KMT5B: variants seen among roughly 807,000 people sequenced by gnomAD.
KMT5B encodes the protein lysine methyltransferase 5B.
A neutral mutation model predicts 83.2 loss-of-function variants in KMT5B; 10 were observed. The ratio of observed to expected loss-of-function variants is 0.12; its 90% CI spans 0.07 to 0.20. The LOEUF (loss-of-function observed/expected upper bound fraction) is 0.20. KMT5B is among the 10% of genes least tolerant of loss of function. The pLI is 1.00. For synonymous variants in KMT5B, 349 were observed against 388.8 expected (o/e 0.90, Z 1.20); for missense variants, 753 against 1,067.2 (o/e 0.71, Z 4.10).
rs552597919 is a variant in KMT5B at position 68,206,916 on chromosome 11, T to G, written c.-77+6222A>C. Among the ~76,000 whole-genome samples, 15 of 152,242 alleles carry G rather than the reference T, an allele frequency of 9.9e-5. No homozygotes were observed. The South Asian group carries it at 3.1e-3, about 32-fold the overall frequency. ...CCCTACAGTTCCCAAAGAGAAGGAA[T>G]GTAACTTCTGGCTGCAACACGCATG... On this transcript the variant is annotated intron_variant, in intron 1 of 10. Coordinates refer to ENST00000304363, the MANE Select transcript of KMT5B (RefSeq NM_017635.5).
Position 68,199,801 on chromosome 11 carries a change from G to T in KMT5B, c.-76-9649C>A, listed in dbSNP as rs1013685319. On this transcript the variant is annotated intron_variant, in intron 1 of 10. Transcript: ENST00000304363. Reference sequence around the variant, plus strand: ...CAGCAGAGGTGGCAAGAAGTGGTTGGCTTCGAGATCTTTTCTGAAGGTTCC... The same window carrying T: ...CAGCAGAGGTGGCAAGAAGTGGTTGTCTTCGAGATCTTTTCTGAAGGTTCC... Among the ~76,000 whole-genome samples, 12 of 152,280 alleles carry T rather than the reference G, an allele frequency of 7.9e-5. No individual in the cohort carries two copies. The South Asian group carries it at 2.5e-3, about 32-fold the overall frequency.
chr11:68,208,410 G>A (rs999484375), intron 1 of KMT5B, among the ~76,000 whole-genome samples: 2 of 151,860 alleles, frequency 1.3e-5, no homozygotes, highest in African/African-American at 4.8e-5. Context: ...CCAAGATCGC[G>A]CCACTGCACT....
At chr11:68,174,038 G>C (rs1590964088) in intron 5 of KMT5B, 125 bp from the exon 6 acceptor site, 7 of 718,904 alleles carry the variant, frequency 9.7e-6, no homozygotes, top group Middle Eastern at 2.6e-4. Flanking sequence ...GAGCAACATA[G>C]CGAGACCCTG....
chr11:68,185,662 A>G (rs11228152), intron 3 of KMT5B, 119 bp downstream of exon 3: 101,896 of 968,128 alleles, frequency 0.11, 5,936 homozygotes, highest in East Asian at 0.22. Flanking sequence ...AAACCCTTCC[A>G]CTGCAAAGAA....
At chr11:68,180,342 G>A in intron 3 of KMT5B, 142 bp from the exon 4 acceptor site, 2 of 1,103,652 alleles carry the variant, frequency 1.8e-6, no homozygotes, top group East Asian at 5.3e-5. Flanking sequence ...AGATACCACA[G>A]GTGGGCGCGG....
chr11:68,171,276 T>C lies in KMT5B; in HGVS notation c.821-25A>G. 6.2e-7 allele frequency: 1 copy of C among 1,608,472 alleles called. No homozygotes were observed. The highest frequency in any genetic ancestry group is 8.5e-7 in the Non-Finnish European group (1 of 1,177,592). On this transcript the variant is annotated intron_variant, in intron 7 of 10. Transcript: ENST00000304363. This position sits in a 1 kb window ranked among gnomAD's most constrained non-coding sequence, Gnocchi z 5.1. ...TCTGAAAAATGTCCAAAAGATAAAG[T>C]CAATTAACTGTTGATAAGATCTGAA...
intron 1 of KMT5B, among the ~76,000 whole-genome samples, chr11:68,203,614 G>A (rs1001741806): frequency 2.6e-5 from 4 of 152,204 alleles, no homozygotes; most frequent in Admixed American, 6.5e-5. Flanking sequence ...AACACTGCTT[G>A]ACAGGGCAAT....
Position 68,158,709 on chromosome 11 carries a change from G to A in KMT5B, c.1637C>T (p.Thr546Ile). The change falls in exon 11 of 11, where the codon ACA becomes ATA. Residue 546 changes from threonine to isoleucine, a missense_variant. This residue lies in a region of KMT5B where 397 missense variants were observed against 395.9 expected (regional missense o/e 1.00). Transcript: ENST00000304363. ...GATGTCAGAGGCCTCCTTCAGATTT[G>A]TTCTTGTCCTCACTGACCGCCGAGT... ...YITRRSVRTR[T>I]NLKEASDIKL... 1 of 1,614,068 alleles carries A rather than the reference G, an allele frequency of 6.2e-7. No homozygotes were observed. The highest frequency in any genetic ancestry group is 8.5e-7 in the Non-Finnish European group (1 of 1,180,020).
At chr11:68,169,095 A>G (rs1161413966) in intron 9 of KMT5B, among the ~76,000 whole-genome samples, 1 of 152,230 alleles carries the variant, frequency 6.6e-6, no homozygotes, top group Non-Finnish European at 1.5e-5. Flanking sequence ...CATGGCCACT[A>G]TTCTCCATCA....
rs1856502225 is a variant in KMT5B at position 68,177,558 on chromosome 11, C to G, written c.378-2375G>C. Among the ~76,000 whole-genome samples the G allele has an allele frequency of 3.3e-5, 5 of 152,042 alleles. No individual in the cohort carries two copies. The South Asian group carries it at 1.0e-3, about 32-fold the overall frequency. On this transcript the variant is annotated intron_variant, in intron 4 of 10. Coordinates refer to ENST00000304363, the MANE Select transcript of KMT5B (RefSeq NM_017635.5). The stretch of plus-strand genomic sequence containing the variant: ...GTGTATTAATGCATACTGATACTAC[C>G]AGGAACTTACTAGCTACACACTCTA...
At chr11:68,187,924 T>C (rs550595254) in intron 2 of KMT5B, among the ~76,000 whole-genome samples, 18 of 152,300 alleles carry the variant, frequency 1.2e-4, no homozygotes, top group Admixed American at 5.2e-4. Flanking sequence ...ACATTCAATG[T>C]AAGGCTATGT....
chr11:68,180,340 C>T (rs1316746214), intron 3 of KMT5B, 140 bp from the exon 4 acceptor site: 9 of 1,126,440 alleles, frequency 8.0e-6, no homozygotes, highest in Non-Finnish European at 1.1e-5. Flanking sequence ...TAAGATACCA[C>T]AGGTGGGCGC....
intron 1 of KMT5B, among the ~76,000 whole-genome samples, chr11:68,204,612 T>G (rs919702856): frequency 5.1e-4 from 15 of 29,674 alleles, no homozygotes; most frequent in African/African-American, 2.4e-3. Flanking sequence ...AAATTTCCGG[T>G]TTTTTTTTTT....
intron 1 of KMT5B, among the ~76,000 whole-genome samples, chr11:68,207,777 T>C (rs1301076098): frequency 8.1e-6 from 1 of 123,008 alleles, no homozygotes; most frequent in East Asian, 2.4e-4. Flanking sequence ...GGCAACAGAG[T>C]GAGACTCCAT....
Position 68,175,150 on chromosome 11 carries a change from T to C in KMT5B, c.411A>G (p.Leu137=). The stretch of plus-strand genomic sequence containing the variant: ...TCTTAAAACGTTCAATTACTTCCTT[T>C]AGTTCTTCCTGCCTTCCTTTAATAG... ...FRPIKGRQEE[L]KEVIERFKKD... is the part of the protein sequence containing the mutation. The change falls in exon 5 of 11, where the codon CTA becomes CTG. Residue 137 remains leucine (L), a synonymous_variant. Coordinates refer to ENST00000304363, the MANE Select transcript of KMT5B (RefSeq NM_017635.5). 6.2e-7 allele frequency: 1 copy of C among 1,613,798 alleles called. No homozygotes were observed. The highest frequency in any genetic ancestry group is 8.5e-7 in the Non-Finnish European group (1 of 1,179,834).
chr11:68,188,301 G>A (rs1169008415), intron 2 of KMT5B, among the ~76,000 whole-genome samples: 1 of 151,608 alleles, frequency 6.6e-6, no homozygotes, highest in Non-Finnish European at 1.5e-5. Flanking sequence ...TGGGATTACA[G>A]GCGTGAGCCA....
At chr11:68,213,071 TGCCCGCCCCGTCACCGAGGCC>T (rs1362308611) in intron 1 of KMT5B, 46 bp downstream of exon 1, 1 of 73,958 alleles carries the variant, frequency 1.4e-5, no homozygotes, top group Admixed American at 1.9e-4. Context: ...CCCACGTCCC[TGCCCGCCCCGTCACCGAGGCC>T]GCCCCCCGCA....
intron 3 of KMT5B, 129 bp from the exon 4 acceptor site, chr11:68,180,329 T>TG (rs1179671997): frequency 1.0e-5 from 13 of 1,281,100 alleles, no homozygotes; most frequent in Admixed American, 4.7e-5. Flanking sequence ...ATCAAGAACT[T>TG]TAAGATACCA....
In KMT5B at chr11:68,166,796, G is replaced by A; in HGVS notation, c.1174+186C>T. On this transcript the variant is annotated intron_variant, in intron 10 of 10. Transcript: ENST00000304363. ...AAATAGTCTAGAGGACGGTACTGAAGTTAGAGATGGGATACAGACTGTGCC... is the reference window on the plus strand; with the variant it reads ...AAATAGTCTAGAGGACGGTACTGAAATTAGAGATGGGATACAGACTGTGCC... 2.1e-6 allele frequency: 3 copies of A among 1,428,042 alleles called. No individual in the cohort carries two copies. In the East Asian group the frequency reaches 7.5e-5, roughly 36 times the overall value. 88.5% of individuals were successfully genotyped at this position (1,428,042 alleles called of 1,614,324 possible). A position where few individuals can be genotyped will look rare whatever the true frequency, so the allele number is the denominator to read the frequency against.
Sources: gnomAD v4.1 joint callset for allele counts (sites outside exome capture counted in the v4.1 genomes callset) on GRCh38, gnomAD v4.1.1 for gene constraint, gnomAD v4.1.1 regional missense constraint, Gnocchi (gnomAD v3.1) non-coding constraint, MANE v1.5 for transcripts, NCBI Gene and HGNC (gene_info 2026-07-23, HGNC 2026-07-21) for gene names.